Variants in NR2C2 observed in about 807,000 individuals in gnomAD.
The protein encoded by NR2C2 is nuclear receptor subfamily 2 group C member 2, also known as Nuclear hormone receptor TR4.
In NR2C2, 6 loss-of-function variants were observed where a neutral mutation model predicts 62.9. That is an observed-to-expected ratio of 0.10 (90% CI 0.05 to 0.19). The LOEUF (loss-of-function observed/expected upper bound fraction) is 0.19, where lower values mean the gene tolerates loss of function less well. NR2C2 is among the 10% of genes least tolerant of loss of function. The pLI is 1.00. For missense variants in NR2C2, 479 were observed against 762.7 expected, an observed-to-expected ratio of 0.63 and a Z score of 4.38; for synonymous variants, 272 against 273.8, an observed-to-expected ratio of 0.99 and a Z score of 0.07.
chr3:15,025,739 C>G (rs1039356729), intron 7 of NR2C2: 1 of 152,938 alleles, frequency 6.5e-6, no homozygotes, highest in Admixed American at 6.5e-5. Flanking sequence ...TACATACCTA[C>G]GGTACAGTAT....
chr3:15,005,502 C>A (rs1399510941), intron 2 of NR2C2, among the ~76,000 whole-genome samples: 2 of 146,160 alleles, frequency 1.4e-5, no homozygotes, highest in Admixed American at 6.9e-5. Context: ...CAGGTGTGAG[C>A]CAGCGTGCGT....
chr3:14,978,771 C>A (rs2040279440), intron 1 of NR2C2, among the ~76,000 whole-genome samples: 1 of 152,202 alleles, frequency 6.6e-6, no homozygotes, highest in African/African-American at 2.4e-5. Context: ...CGCCCTCCTT[C>A]ATATGAAGAT....
In NR2C2 at chr3:15,004,566, C is replaced by T. The variant is rs750458030; in HGVS notation, c.72+580C>T. 2.5e-6 allele frequency: 4 copies of T among 1,612,216 alleles called. No individual in the cohort carries two copies. In the African/African-American group the frequency reaches 4.0e-5, roughly 16 times the overall value. On this transcript the variant is annotated intron_variant, in intron 2 of 13. Coordinates refer to ENST00000425241, the MANE Select transcript of NR2C2 (RefSeq NM_001291694.2). ...AAGTTGTCTTCCCTAGGGCTCTGAA[C>T]CTGCCTCTGGCCCATTGAGTGTTTT...
rs532738642 is a variant in NR2C2, at chr3:15,005,187, A to G, written c.72+1201A>G. Among the ~76,000 whole-genome samples the G allele has an allele frequency of 2.3e-4, 34 of 150,990 alleles. 2 individuals carry two copies. The South Asian group carries it at 4.4e-3, about 20-fold the overall frequency. On this transcript the variant is annotated intron_variant, in intron 2 of 13. Coordinates refer to ENST00000425241, the MANE Select transcript of NR2C2 (RefSeq NM_001291694.2). ...ATGGTATAACTTTCTCTATGTTTTG[A>G]CATTTTTTCTTTTTTTTGAGACAGG...
intron 1 of NR2C2, among the ~76,000 whole-genome samples, chr3:14,965,773 C>T (rs553426425): frequency 8.4e-4 from 127 of 152,080 alleles, no homozygotes; most frequent in Non-Finnish European, 1.7e-3. Context: ...AAGCTATTCT[C>T]CTGCCTCAGC....
rs1245038959 is a variant in NR2C2, at chr3:15,013,693, T to A, written c.177T>A (p.Ala59=). ...TCATCCTGACCAGCCCAGATGGAGC[T>A]GGAACTGGGAAGGTGATCCTGGCTT... is the stretch of plus-strand genomic sequence containing the variant. ...QQFILTSPDG[A]GTGKVILASP... Residue 59 remains alanine (A), a synonymous_variant, in exon 3 of 14, where the codon GCT becomes GCA. Coordinates refer to ENST00000425241, the MANE Select transcript of NR2C2 (RefSeq NM_001291694.2). 5 of 1,614,196 alleles carry A rather than the reference T, an allele frequency of 3.1e-6. No homozygotes were observed. The highest frequency in any genetic ancestry group is 1.7e-5 in the Admixed American group (1 of 60,022).
intron 1 of NR2C2, among the ~76,000 whole-genome samples, chr3:14,966,930 G>A (rs557921797): frequency 6.6e-6 from 1 of 152,290 alleles, no homozygotes; most frequent in East Asian, 1.9e-4. Context: ...TGTTTATAAA[G>A]AATTGATATT....
At chr3:15,002,825 A>G (rs1330259537) in intron 1 of NR2C2, among the ~76,000 whole-genome samples, 1 of 149,600 alleles carries the variant, frequency 6.7e-6, no homozygotes, top group African/African-American at 2.5e-5. Flanking sequence ...TGCCTGGCTA[A>G]TTTTGTATTT....
intron 6 of NR2C2, 37 bp from the exon 7 acceptor site, chr3:15,024,078 T>C: frequency 1.4e-6 from 2 of 1,380,244 alleles, no homozygotes; most frequent in Non-Finnish European, 2.1e-6. Flanking sequence ...GCATAAAATG[T>C]TGGAAGCTAC....
Position 15,014,686 on chromosome 3 carries a change from A to G in NR2C2, c.273+897A>G, listed in dbSNP as rs568190253. ...CCCAGCCCCTGGTGACCACCATTCTACTTTCTGTCTCCATGAATTTGACTA... is the reference window on the plus strand; with the variant it reads ...CCCAGCCCCTGGTGACCACCATTCTGCTTTCTGTCTCCATGAATTTGACTA... On this transcript the variant is annotated intron_variant, in intron 3 of 13. Transcript: ENST00000425241. Among the ~76,000 whole-genome samples the G allele has an allele frequency of 5.3e-5, 8 of 151,884 alleles. 1 individual carries two copies. The East Asian group carries it at 1.5e-3, about 29-fold the overall frequency.
intron 2 of NR2C2, chr3:15,004,473 A>G (rs1247183927): frequency 9.1e-6 from 12 of 1,323,728 alleles, no homozygotes; most frequent in Admixed American, 2.4e-5. Context: ...AATAATGTTC[A>G]ATATTTACTA....
intron 6 of NR2C2, among the ~76,000 whole-genome samples, chr3:15,023,743 C>T (rs1358162252): frequency 1.3e-5 from 2 of 152,056 alleles, no homozygotes; most frequent in Admixed American, 6.6e-5. Context: ...TTAAAAGGAA[C>T]GGAAAGAGGG....
Position 15,003,888 on chromosome 3 carries a change from C to T in NR2C2, c.-27C>T. ...TTCTCACCCACAGGTAACACGTACACAGACCTCTCGGCCGGAATCTCCAGG... is the reference window on the plus strand; with the variant it reads ...TTCTCACCCACAGGTAACACGTACATAGACCTCTCGGCCGGAATCTCCAGG... On this transcript the variant is annotated 5_prime_UTR_variant, in exon 2 of 14. Coordinates refer to ENST00000425241, the MANE Select transcript of NR2C2 (RefSeq NM_001291694.2). 6.2e-7 allele frequency: 1 copy of T among 1,611,884 alleles called. No individual in the cohort carries two copies. The highest frequency in any genetic ancestry group is 8.5e-7 in the Non-Finnish European group (1 of 1,178,034).
At chr3:15,037,200 G>T (rs1372661744) in intron 11 of NR2C2, among the ~76,000 whole-genome samples, 1 of 137,004 alleles carries the variant, frequency 7.3e-6, no homozygotes, top group Admixed American at 7.4e-5. Context: ...TTGTGTTATT[G>T]TTTTTTGTTT....
chr3:14,972,155 T>C (rs1000559388), intron 1 of NR2C2, among the ~76,000 whole-genome samples: 8 of 149,278 alleles, frequency 5.4e-5, no homozygotes, highest in East Asian at 1.9e-4. Context: ...TTCTCTCTCT[T>C]TTTTTTTTCT....
At chr3:14,972,814 C>G (rs1028986028) in intron 1 of NR2C2, among the ~76,000 whole-genome samples, 1 of 152,054 alleles carries the variant, frequency 6.6e-6, no homozygotes, top group Non-Finnish European at 1.5e-5. Flanking sequence ...TCTTACATGG[C>G]AGGGGCAGGA....
rs1575057207 is a variant in NR2C2, at chr3:15,045,345, C to G, written c.*2337C>G. 6.5e-6 allele frequency: 1 copy of G among 152,776 alleles called. No homozygotes were observed. Among genetic ancestry groups the G allele is most frequent in the East Asian group, 1.9e-4 (1 of 5,182 alleles). The allele number at this position is 152,776 out of a possible 1,614,324, so 9.5% of individuals were successfully genotyped here. On this transcript the variant is annotated 3_prime_UTR_variant, in exon 14 of 14. Transcript: ENST00000425241. The stretch of plus-strand genomic sequence containing the variant: ...CATTCCCAGGTCATTCAGTGGCAGC[C>G]AGTAGGCTGCTTAGACTCAGGCTGG...
intron 3 of NR2C2, among the ~76,000 whole-genome samples, chr3:15,015,440 G>A (rs1216057516): frequency 6.6e-6 from 1 of 152,152 alleles, no homozygotes; most frequent in African/African-American, 2.4e-5. Context: ...TGCCTCAGTC[G>A]GAGTCCTAGT....
chr3:15,004,711 C>T, intron 2 of NR2C2: 1 of 1,377,562 alleles, frequency 7.3e-7, no homozygotes, highest in South Asian at 1.4e-5. Context: ...ATCAAAAAGC[C>T]AATTATAACG....
Sources: gnomAD v4.1 joint callset for allele counts (sites outside exome capture counted in the v4.1 genomes callset) on GRCh38, gnomAD v4.1.1 for gene constraint, MANE v1.5 for transcripts, NCBI Gene and HGNC (gene_info 2026-07-23, HGNC 2026-07-21) for gene names.